The following RALY variants were observed in gnomAD, a reference collection of about 807,000 sequenced individuals.
RALY encodes RALY heterogeneous nuclear ribonucleoprotein, also known as RNA-binding protein Raly.
RALY carries 15 observed loss-of-function variants against 30.7 expected under a neutral mutation model. That is an observed-to-expected ratio of 0.49 (90% CI 0.33 to 0.75). RALY has a LOEUF of 0.75. Among genes scored for constraint, RALY ranks in the 30% least tolerant of loss-of-function variants. The probability of loss-of-function intolerance (pLI) is 0.02; values close to 1 mark genes in which losing one functional copy is unlikely to be tolerated. For missense variants in RALY, 339 were observed against 414.3 expected (o/e 0.82, Z 1.58); for synonymous variants, 177 against 170.8 (o/e 1.04, Z -0.28).
Position 34,059,908 on chromosome 20 carries a change from AAGG to A in RALY, c.-9-12154_-9-12152del, listed in dbSNP as rs1199916768. Among the ~76,000 whole-genome samples, 5 of 152,196 alleles carry A rather than the reference AAGG, an allele frequency of 3.3e-5. No homozygotes were observed. The East Asian group carries it at 9.6e-4, about 29-fold the overall frequency. The stretch of plus-strand genomic sequence containing the variant: ...CTGCTCTAGAGGGTCCTCAAAGCAC[AAGG>A]AGGCCTTGGTGGGAACCTTTGCTTA... On this transcript the variant is annotated intron_variant, in intron 2 of 9. Transcript: ENST00000246194.
chr20:34,041,207 G>A (rs2032687673), intron 2 of RALY, among the ~76,000 whole-genome samples: 1 of 152,180 alleles, frequency 6.6e-6, no homozygotes, highest in Non-Finnish European at 1.5e-5. Context: ...CAACTCCAAA[G>A]TACAGGGAAG....
intron 2 of RALY, among the ~76,000 whole-genome samples, chr20:34,043,008 G>T (rs2032755695): frequency 6.6e-6 from 1 of 152,192 alleles, no homozygotes; most frequent in Non-Finnish European, 1.5e-5. Context: ...AGAACCTCTT[G>T]TGTTAAAGCC....
At position 34,076,715 on chromosome 20, in the gene RALY, G is replaced by A; in HGVS notation, c.558G>A (p.Glu186=). 6.2e-7 allele frequency: 1 copy of A among 1,614,060 alleles called. No individual in the cohort carries two copies. The highest frequency in any genetic ancestry group is 8.5e-7 in the Non-Finnish European group (1 of 1,179,990). The change falls in exon 7 of 10, where the codon GAG becomes GAA. Residue 186 remains glutamate (E), a synonymous_variant. Transcript: ENST00000246194. ...CTCCACTCCCAGTAAAGAGCAGTGA[G>A]CTGCAGGCCATCAAGACGGAGCTGA... ...SSAKIKLKSS[E]LQAIKTELTQ...
intron 2 of RALY, among the ~76,000 whole-genome samples, chr20:34,042,266 T>G (rs2032729437): frequency 6.6e-6 from 1 of 152,114 alleles, no homozygotes; most frequent in South Asian, 2.1e-4. Flanking sequence ...ACTTCCAGGG[T>G]TCCCAGGATC....
chr20:34,053,415 TGAGACAAGGCC>T (rs2033144210), intron 2 of RALY, among the ~76,000 whole-genome samples: 1 of 124,354 alleles, frequency 8.0e-6, no homozygotes, highest in African/African-American at 3.0e-5. Context: ...TTTTTTTTTT[TGAGACAAGGCC>T]TCGCTGTGTC....
Position 34,075,901 on chromosome 20 carries a change from G to T in RALY, c.405G>T (p.Ser135=), listed in dbSNP as rs140889994. 1 of 1,613,884 alleles carries T rather than the reference G, an allele frequency of 6.2e-7. No individual in the cohort carries two copies. The highest frequency in any genetic ancestry group is 8.5e-7 in the Non-Finnish European group (1 of 1,179,870). ...TCTTCGACTACCGGGGCCGTCTGTC[G>T]CCCGTGCCAGTGCCCAGGGCGGTCC... The part of the protein sequence containing the change: ...DRLFDYRGRL[S]PVPVPRAVPV... The change falls in exon 6 of 10, where the codon TCG becomes TCT. Residue 135 remains serine (S), a synonymous_variant. Transcript: ENST00000246194.
rs1386454002 is a variant in RALY at position 34,024,213 on chromosome 20, A to T, written c.-92-7309A>T. On this transcript the variant is annotated intron_variant, in intron 1 of 9. Coordinates refer to ENST00000246194, the MANE Select transcript of RALY (RefSeq NM_016732.3). ...TGAAAGCCATTTTCTACACAGTCTCAGTTGCACAGAGCAGTGTCTGGTCGG... is the reference window on the plus strand; with the variant it reads ...TGAAAGCCATTTTCTACACAGTCTCTGTTGCACAGAGCAGTGTCTGGTCGG... Among the ~76,000 whole-genome samples, 3 of 152,186 alleles carry T rather than the reference A, an allele frequency of 2.0e-5. 1 individual carries two copies. Among genetic ancestry groups the T allele is most frequent in the Non-Finnish European group, 4.4e-5 (3 of 68,036 alleles).
chr20:34,024,333 G>A (rs1454404338), intron 1 of RALY, among the ~76,000 whole-genome samples: 1 of 152,140 alleles, frequency 6.6e-6, no homozygotes, highest in African/African-American at 2.4e-5. Context: ...TCATTAGCAT[G>A]GAGAAAAGAA....
At chr20:34,019,212 G>A (rs568054332) in intron 1 of RALY, among the ~76,000 whole-genome samples, 1 of 152,142 alleles carries the variant, frequency 6.6e-6, no homozygotes, top group East Asian at 1.9e-4. Context: ...TGTAATCCCG[G>A]CTACTCGGGA....
intron 2 of RALY, chr20:34,033,196 C>T (rs1398598127): frequency 6.6e-6 from 1 of 152,206 alleles, no homozygotes; most frequent in Non-Finnish European, 1.5e-5. Flanking sequence ...GTTGGAGTGC[C>T]TCCCTGTCCC....
intron 1 of RALY, among the ~76,000 whole-genome samples, chr20:34,021,236 T>C (rs2031807534): frequency 6.6e-6 from 1 of 152,154 alleles, no homozygotes; most frequent in African/African-American, 2.4e-5. Flanking sequence ...TGCTGGGATT[T>C]ACAGGCATGA....
Position 34,009,318 on chromosome 20 carries a change from A to C in RALY, c.-93+15187A>C, listed in dbSNP as rs1180416907. Among the ~76,000 whole-genome samples, 4 of 152,094 alleles carry C rather than the reference A, an allele frequency of 2.6e-5. No individual in the cohort carries two copies. In the South Asian group the frequency reaches 6.2e-4, roughly 24 times the overall value. ...CAGTGGCATGATCTCAGCTCACTGC[A>C]ACCTCTGCCTCCCGGGTTCAAGTAA... is the stretch of plus-strand genomic sequence containing the variant. On this transcript the variant is annotated intron_variant, in intron 1 of 9. Transcript: ENST00000246194.
chr20:34,008,517 T>C (rs1309920084), intron 1 of RALY, among the ~76,000 whole-genome samples: 1 of 152,224 alleles, frequency 6.6e-6, no homozygotes, highest in Non-Finnish European at 1.5e-5. Context: ...TTCATCCTCA[T>C]TGGGAAGTCC....
At chr20:34,042,211 AC>A (rs1434897154) in intron 2 of RALY, among the ~76,000 whole-genome samples, 1 of 152,092 alleles carries the variant, frequency 6.6e-6, no homozygotes, top group East Asian at 1.9e-4. Context: ...CACTACCCTT[AC>A]CAAACAAAGA....
In RALY at chr20:34,078,438, T is replaced by C. The variant is rs371913901; in HGVS notation, c.877-67T>C. ...GGACCATGAAGTTTTTCTGGACAAA[T>C]GGCTCAGGGCAGGACTCAGAGCTGG... On this transcript the variant is annotated intron_variant, in intron 8 of 9. Transcript: ENST00000246194. The C allele has an allele frequency of 2.4e-5, 33 of 1,397,450 alleles. No individual in the cohort carries two copies. The African/African-American group carries it at 4.0e-4, about 17-fold the overall frequency. The allele number at this position is 1,397,450 out of a possible 1,614,324, so 86.6% of individuals were successfully genotyped here. A position where few individuals can be genotyped will look rare whatever the true frequency, so the allele number is the denominator to read the frequency against.
chr20:33,996,967 C>G (rs2030663270), intron 1 of RALY, among the ~76,000 whole-genome samples: 1 of 152,168 alleles, frequency 6.6e-6, no homozygotes, highest in East Asian at 1.9e-4. Context: ...TAGTCCTCAC[C>G]TGCAGCAGAG....
At chr20:34,035,126 C>T (rs1327571294) in intron 2 of RALY, among the ~76,000 whole-genome samples, 2 of 128,608 alleles carry the variant, frequency 1.6e-5, no homozygotes, top group Non-Finnish European at 3.2e-5. Context: ...CTACTCCAGC[C>T]TGGGCGACAG....
rs1191683029 is a variant in RALY at position 34,083,624 on chromosome 20, A to G, written c.*3719A>G. 1.3e-5 allele frequency: 2 copies of G among 152,158 alleles called. No individual in the cohort carries two copies. Among genetic ancestry groups the G allele is most frequent in the African/African-American group, 4.8e-5 (2 of 41,446 alleles). The allele number at this position is 152,158 out of a possible 1,614,324, so 9.4% of individuals were successfully genotyped here. A position where few individuals can be genotyped will look rare whatever the true frequency, so the allele number is the denominator to read the frequency against. ...GAGTGCCTTTTGAGGATCTGCAGCA[A>G]TTTTCAGACTGTTTGGAAATACTGA... On this transcript the variant is annotated 3_prime_UTR_variant, in exon 10 of 10. Transcript: ENST00000246194.
intron 2 of RALY, among the ~76,000 whole-genome samples, chr20:34,059,124 C>A (rs769311533): frequency 6.6e-6 from 1 of 152,000 alleles, no homozygotes; most frequent in African/African-American, 2.4e-5. Context: ...AGAGGTCACC[C>A]GTTCCTTCCT....
Sources: allele counts gnomAD v4.1 joint callset (sites outside exome capture counted in the v4.1 genomes callset), GRCh38; gene constraint gnomAD v4.1.1; transcripts MANE v1.5; gene names NCBI Gene and HGNC (gene_info 2026-07-23, HGNC 2026-07-21).